PIEZO2: variants seen among roughly 807,000 people sequenced by gnomAD.
The protein encoded by PIEZO2 is piezo type mechanosensitive ion channel component 2, also known as piezo-type mechanosensitive ion channel component 2.
Under a neutral mutation model 337.3 loss-of-function variants are expected in PIEZO2, and 172 were observed. That is an observed-to-expected ratio of 0.51 (90% CI 0.45 to 0.58). The LOEUF (loss-of-function observed/expected upper bound fraction) is 0.58. Ranked by LOEUF, PIEZO2 falls within the 20% of genes least tolerant of loss-of-function variation. PIEZO2 has a pLI of 0.00. For missense variants in PIEZO2, 3,028 were observed against 3,391.3 expected (o/e 0.89, Z 2.66); for synonymous variants, 1,251 against 1,228.5 (o/e 1.02, Z -0.38).
At chr18:11,098,162 G>A (rs550705716) in intron 1 of PIEZO2, among the ~76,000 whole-genome samples, 1 of 151,920 alleles carries the variant, frequency 6.6e-6, no homozygotes, top group East Asian at 1.9e-4. Context: ...TTATGACACT[G>A]TTCAGTAATG....
intron 28 of PIEZO2, among the ~76,000 whole-genome samples, chr18:10,751,613 G>A (rs943308205): frequency 3.3e-5 from 5 of 152,032 alleles, no homozygotes; most frequent in Non-Finnish European, 5.9e-5. Flanking sequence ...GTGCCCCCCC[G>A]AAAATCAAGG....
Position 10,878,352 on chromosome 18 carries a change from T to C in PIEZO2, c.330-6937A>G, listed in dbSNP as rs1337633879. 6.6e-6 allele frequency among the ~76,000 whole-genome samples: 1 copy of C among 152,224 alleles called. No homozygotes were observed. The highest frequency in any genetic ancestry group is 2.4e-5 in the African/African-American group (1 of 41,460). On this transcript the variant is annotated intron_variant, in intron 4 of 55. Transcript: ENST00000674853. This position sits in a 1 kb window ranked among gnomAD's most constrained non-coding sequence, Gnocchi z 4.3. ...CTGTTGAAGAATTAGATGAGACACC[T>C]ACCATAAAGAGCTCTGTAATTCAGC...
Position 11,063,486 on chromosome 18 carries a change from T to C in PIEZO2, c.160+2641A>G, listed in dbSNP as rs1207397845. 2.6e-5 allele frequency among the ~76,000 whole-genome samples: 4 copies of C among 152,318 alleles called. No individual in the cohort carries two copies. The East Asian group carries it at 5.8e-4, about 22-fold the overall frequency. On this transcript the variant is annotated intron_variant, in intron 2 of 55. Coordinates refer to ENST00000674853, the MANE Select transcript of PIEZO2 (RefSeq NM_001378183.1). ...CATCAAAGGTCCACCTTCTAAGTTA[T>C]GAGACTAATATTCTCCACATCCTGG...
chr18:10,880,126 A>G (rs2042374140), intron 4 of PIEZO2, among the ~76,000 whole-genome samples: 1 of 152,182 alleles, frequency 6.6e-6, no homozygotes, highest in Non-Finnish European at 1.5e-5. Context: ...TGTTTTTAAA[A>G]GCTGCAACAG....
chr18:10,789,170 C>T lies in PIEZO2; in HGVS notation c.2078G>A (p.Gly693Asp). 1.3e-6 allele frequency: 2 copies of T among 1,537,138 alleles called. No individual in the cohort carries two copies. Among genetic ancestry groups the T allele is most frequent in the East Asian group, 2.4e-5 (1 of 40,926 alleles). Reference sequence around the variant, plus strand: ...CTCGAAGCTGACGAAGAAGAACATGCCTCCGCAGACGTAGATCCAGTACTT... The same window carrying T: ...CTCGAAGCTGACGAAGAAGAACATGTCTCCGCAGACGTAGATCCAGTACTT... ...FIKYWIYVCG[G>D]MFFFVSFEGK... Residue 693 changes from glycine to aspartate, a missense_variant, in exon 15 of 56, where the codon GGC (glycine) becomes GAC (aspartate). Gly to Asp is a moderately conservative substitution (Grantham distance 94). Around this residue, in one of 5 missense-constraint regions of PIEZO2, gnomAD observed 1,925 missense variants for 2,051.9 expected, o/e 0.94. Coordinates refer to ENST00000674853, the MANE Select transcript of PIEZO2 (RefSeq NM_001378183.1).
At chr18:10,802,655 G>A (rs1424876721) in intron 9 of PIEZO2, among the ~76,000 whole-genome samples, 1 of 152,082 alleles carries the variant, frequency 6.6e-6, no homozygotes, top group Admixed American at 6.6e-5. Flanking sequence ...GCTTCACATA[G>A]GTATGCAATT....
intron 2 of PIEZO2, among the ~76,000 whole-genome samples, chr18:11,037,326 G>T (rs1358333731): frequency 6.6e-6 from 1 of 152,130 alleles, no homozygotes; most frequent in Non-Finnish European, 1.5e-5. Context: ...CCTAGAAATT[G>T]TATGCCACGT....
chr18:10,820,666 CAT>C (rs1160847447), intron 7 of PIEZO2, among the ~76,000 whole-genome samples: 2 of 152,156 alleles, frequency 1.3e-5, no homozygotes, highest in Admixed American at 6.5e-5. Flanking sequence ...TGCTTTTTCA[CAT>C]GTCTAAAAAT....
intron 1 of PIEZO2, among the ~76,000 whole-genome samples, chr18:11,124,296 A>G (rs1161810053): frequency 1.3e-5 from 2 of 152,220 alleles, no homozygotes; most frequent in Non-Finnish European, 2.9e-5. Context: ...CTCTAGGATC[A>G]CAATGGCTAC....
At position 11,131,883 on chromosome 18, in the gene PIEZO2, T is replaced by C. The variant is rs2040350979; in HGVS notation, c.64+16642A>G. ...TTGTGTGGACACCACTCAGCCTCTT[T>C]CCCCAGCCACCCAATGGGCCCATGA... On this transcript the variant is annotated intron_variant, in intron 1 of 55. Transcript: ENST00000674853. The surrounding 1 kb of genome is among the most constrained non-coding windows in gnomAD (Gnocchi z 5.3). 6.6e-6 allele frequency among the ~76,000 whole-genome samples: 1 copy of C among 152,136 alleles called. No homozygotes were observed. The highest frequency in any genetic ancestry group is 2.4e-5 in the African/African-American group (1 of 41,440).
At chr18:11,138,447 C>T (rs2040550653) in intron 1 of PIEZO2, among the ~76,000 whole-genome samples, 1 of 152,144 alleles carries the variant, frequency 6.6e-6, no homozygotes, top group Non-Finnish European at 1.5e-5. Flanking sequence ...AGGCGTGTGC[C>T]ACCTCACCCA....
At chr18:10,958,882 A>T (rs2033651099) in intron 3 of PIEZO2, among the ~76,000 whole-genome samples, 1 of 152,186 alleles carries the variant, frequency 6.6e-6, no homozygotes. Flanking sequence ...ATTGTATATT[A>T]TTGAGTATAA....
Position 11,071,895 on chromosome 18 carries a change from G to A in PIEZO2, c.65-5673C>T, listed in dbSNP as rs112941665. On this transcript the variant is annotated intron_variant, in intron 1 of 55. Transcript: ENST00000674853. Reference sequence around the variant, plus strand: ...AAGTGATCATTCTTCCCCTGGGTTTGGGGCTGCCTGGCTCCTGCTCTGCTA... The same window carrying A: ...AAGTGATCATTCTTCCCCTGGGTTTAGGGCTGCCTGGCTCCTGCTCTGCTA... Among the ~76,000 whole-genome samples the A allele has an allele frequency of 1.9e-3, 282 of 152,226 alleles. 1 individual carries two copies. The highest frequency in any genetic ancestry group is 6.1e-3 in the African/African-American group (252 of 41,536).
chr18:11,087,150 A>G (rs1004127132), intron 1 of PIEZO2, among the ~76,000 whole-genome samples: 3 of 152,176 alleles, frequency 2.0e-5, no homozygotes, highest in African/African-American at 7.2e-5. Context: ...GGGGCTGTCT[A>G]TGAACCAGGA....
rs1482770653 is a variant in PIEZO2, at chr18:10,677,201, T to A, written c.8081+546A>T. The stretch of plus-strand genomic sequence containing the variant: ...TAGCCTGGCACCATACAAACCCTCA[T>A]TCATTTGTTTTTTATTATTTATTTA... On this transcript the variant is annotated intron_variant, in intron 53 of 55. Coordinates refer to ENST00000674853, the MANE Select transcript of PIEZO2 (RefSeq NM_001378183.1). This position sits in a 1 kb window ranked among gnomAD's most constrained non-coding sequence, Gnocchi z 4.1. Among the ~76,000 whole-genome samples, 1 of 152,074 alleles carries A rather than the reference T, an allele frequency of 6.6e-6. No homozygotes were observed. Among genetic ancestry groups the A allele is most frequent in the East Asian group, 1.9e-4 (1 of 5,184 alleles).
At chr18:10,932,934 A>T (rs991024255) in intron 3 of PIEZO2, among the ~76,000 whole-genome samples, 1 of 139,162 alleles carries the variant, frequency 7.2e-6, no homozygotes, top group African/African-American at 2.8e-5. Flanking sequence ...TAAAAAAGGT[A>T]AAAAAAAAAA....
chr18:10,842,595 G>A (rs1272464913), intron 7 of PIEZO2, among the ~76,000 whole-genome samples: 2 of 152,202 alleles, frequency 1.3e-5, no homozygotes, highest in Non-Finnish European at 2.9e-5. Context: ...CCCTCACCAG[G>A]AGCAGATGCT....
intron 51 of PIEZO2, 24 bp from the exon 52 acceptor site, chr18:10,680,395 CATAA>C (rs1198957254): frequency 3.1e-6 from 5 of 1,602,818 alleles, no homozygotes; most frequent in Non-Finnish European, 4.3e-6. Context: ...AATGCACATG[CATAA>C]ATAGATTATA....
chr18:10,799,725 C>T (rs999027552), intron 11 of PIEZO2, among the ~76,000 whole-genome samples: 1 of 152,188 alleles, frequency 6.6e-6, no homozygotes, highest in African/African-American at 2.4e-5. Flanking sequence ...GTAGTCCTAG[C>T]AGTTTGGTAG....
Sources: gnomAD v4.1 joint callset for allele counts (sites outside exome capture counted in the v4.1 genomes callset) on GRCh38, gnomAD v4.1.1 for gene constraint, gnomAD v4.1.1 regional missense constraint, Gnocchi (gnomAD v3.1) non-coding constraint, MANE v1.5 for transcripts, NCBI Gene and HGNC (gene_info 2026-07-23, HGNC 2026-07-21) for gene names.